The following SLC13A4 variants were observed in gnomAD, a reference collection of about 807,000 sequenced individuals.
SLC13A4 encodes Na(+)/sulfate cotransporter SUT-1.
In SLC13A4, 28 loss-of-function variants were observed where a neutral mutation model predicts 72.7. The observed-to-expected ratio is 0.39, with a 90% CI of 0.29 to 0.53. The LOEUF is 0.53. Among genes scored for constraint, SLC13A4 ranks in the 20% least tolerant of loss-of-function variants. The probability of loss-of-function intolerance (pLI) is 0.78; values close to 1 mark genes in which losing one functional copy is unlikely to be tolerated. For missense variants in SLC13A4, 653 were observed against 788.0 expected, an observed-to-expected ratio of 0.83 and a Z score of 2.05; for synonymous variants, 312 against 325.5, an observed-to-expected ratio of 0.96 and a Z score of 0.45.
intron 5 of SLC13A4, 137 bp downstream of exon 5, chr7:135,705,450 TTGGGCGGGG>T: frequency 3.9e-6 from 2 of 517,568 alleles, no homozygotes; most frequent in Non-Finnish European, 6.4e-6. Flanking sequence ...ATGGGGGAGG[TTGGGCGGGG>T]TGGGGGGGTG....
rs376855060 is a variant in SLC13A4, at chr7:135,699,539, G to C, written c.724C>G (p.Gln242Glu). The C allele has an allele frequency of 1.3e-6, 2 of 1,597,432 alleles. No individual in the cohort carries two copies. The highest frequency in any genetic ancestry group is 2.7e-5 in the African/African-American group (2 of 74,498). ...KKQHPSQEKP[Q>E]VLTPSPRKQK... ...TTCCTGGGGCTGGGGGTCAGGACTT[G>C]TGGCTTTTCCTAACGAAGGAAAATC... The change falls in exon 8 of 16, where the codon CAA becomes GAA. Residue 242 changes from glutamine to glutamate, a missense_variant. Transcript: ENST00000682651.
At chr7:135,696,128 T>C (rs1795900092) in intron 8 of SLC13A4, among the ~76,000 whole-genome samples, 1 of 152,162 alleles carries the variant, frequency 6.6e-6, no homozygotes, top group Non-Finnish European at 1.5e-5. Flanking sequence ...GGCTTTTGCC[T>C]AGACGAGGCT....
chr7:135,714,370 A>C (rs1796368797), intron 2 of SLC13A4, among the ~76,000 whole-genome samples: 1 of 152,156 alleles, frequency 6.6e-6, no homozygotes, highest in Non-Finnish European at 1.5e-5. Flanking sequence ...CAGATGGGGA[A>C]GCTGAGGCAA....
chr7:135,711,595 G>C (rs887974998), intron 2 of SLC13A4, among the ~76,000 whole-genome samples: 3 of 152,100 alleles, frequency 2.0e-5, no homozygotes, highest in African/African-American at 7.2e-5. Context: ...CAGTGTAAGG[G>C]CAGAGGCAGG....
Position 135,705,898 on chromosome 7 carries a change from C to T in SLC13A4, c.538+230G>A, listed in dbSNP as rs888377781. The T allele has an allele frequency of 8.9e-6, 5 of 559,210 alleles. No homozygotes were observed. In the Admixed American group the frequency reaches 1.2e-4, roughly 13 times the overall value. The allele number at this position is 559,210 out of a possible 1,614,324, so 34.6% of individuals were successfully genotyped here. A position where few individuals can be genotyped will look rare whatever the true frequency, so the allele number is the denominator to read the frequency against. ...CTTGAGCATTTGGGGGAAAAGAGCC[C>T]AGAAGTGAAGGAGGAAGGAAGAGCC... On this transcript the variant is annotated intron_variant, in intron 4 of 15. Coordinates refer to ENST00000682651, the MANE Select transcript of SLC13A4 (RefSeq NM_001318192.2).
intron 1 of SLC13A4, among the ~76,000 whole-genome samples, chr7:135,726,867 G>A (rs3112368): frequency 0.18 from 27,529 of 152,144 alleles, 2,765 homozygotes; most frequent in Admixed American, 0.3. Context: ...GTTGATAGGC[G>A]CCTTCGGGAT....
rs776722523 is a variant in SLC13A4 at position 135,701,762 on chromosome 7, T to C, written c.634-2A>G. The stretch of plus-strand genomic sequence containing the variant: ...GATCGAGGGCACACCATTCAGGTTC[T>C]GTTGGGACAAAGGCCATCTCACTAT... On this transcript the variant is annotated splice_acceptor_variant, in intron 6 of 15. Transcript: ENST00000682651. LOFTEE classifies it high-confidence loss of function. 1.7e-5 allele frequency: 27 copies of C among 1,613,560 alleles called. No individual in the cohort carries two copies. Among genetic ancestry groups the C allele is most frequent in the Non-Finnish European group, 2.3e-5 (27 of 1,179,742 alleles).
At chr7:135,726,142 G>A (rs1209518554) in intron 1 of SLC13A4, among the ~76,000 whole-genome samples, 6 of 151,900 alleles carry the variant, frequency 3.9e-5, no homozygotes, top group Non-Finnish European at 7.4e-5. Flanking sequence ...TATGTCTCTC[G>A]GTAACAGTCC....
chr7:135,688,111 G>A (rs1055090560), intron 13 of SLC13A4, among the ~76,000 whole-genome samples: 1 of 152,072 alleles, frequency 6.6e-6, no homozygotes, highest in Non-Finnish European at 1.5e-5. Flanking sequence ...AAGTAGCTGG[G>A]ATTACAGGCG....
chr7:135,708,039 C>T lies in SLC13A4; in HGVS notation c.365+75G>A, dbSNP rs940215259. The T allele has an allele frequency of 9.6e-6, 15 of 1,560,026 alleles. No individual in the cohort carries two copies. In the African/African-American group the frequency reaches 1.5e-4, roughly 15 times the overall value. ...GCTGAAGTGGACATCCCGCAGTGAC[C>T]TGAGACCACTGTCCTGGTGGCACAC... On this transcript the variant is annotated intron_variant, in intron 3 of 15. Transcript: ENST00000682651.
chr7:135,684,073 C>A, intron 15 of SLC13A4, 51 bp downstream of exon 15: 1 of 1,543,750 alleles, frequency 6.5e-7, no homozygotes, highest in Non-Finnish European at 8.8e-7. Flanking sequence ...GAGCTGTCAT[C>A]CCTGTCCTCA....
rs894483899 is a variant in SLC13A4 at position 135,684,160 on chromosome 7, G to A, written c.1710C>T (p.Ile570=). ...TCTGGCAGTGCCCATAGCTGAAGAC[G>A]ATGGCATTAGGGGGATTGCCCACAG... ...MLPVGNPPNA[I]VFSYGHCQIK... The change falls in exon 15 of 16, where the codon ATC becomes ATT. Residue 570 remains isoleucine, a synonymous_variant. Transcript: ENST00000682651. 7.4e-6 allele frequency: 12 copies of A among 1,612,254 alleles called. No individual in the cohort carries two copies. The highest frequency in any genetic ancestry group is 2.2e-5 in the East Asian group (1 of 44,788).
intron 2 of SLC13A4, among the ~76,000 whole-genome samples, chr7:135,719,781 A>ATGTGTGTGTGTGTGTGTGTGTGTGTG (rs968225969): frequency 1.4e-5 from 2 of 146,016 alleles, no homozygotes; most frequent in African/African-American, 5.1e-5. Flanking sequence ...TCAATGCCAC[A>ATGTGTGTGTGTGTGTGTGTGTGTGTG]TGTGTGTGTG....
At chr7:135,684,365 A>AAAG (rs1795574572) in intron 14 of SLC13A4, 104 bp from the exon 15 acceptor site, 1 of 1,377,018 alleles carries the variant, frequency 7.3e-7, no homozygotes, top group Admixed American at 2.1e-5. Flanking sequence ...GGCTAACCTT[A>AAAG]GCAGGACACT....
chr7:135,707,342 GT>G (rs1347876609), intron 3 of SLC13A4: 5 of 152,194 alleles, frequency 3.3e-5, no homozygotes, highest in Non-Finnish European at 7.3e-5. Flanking sequence ...TTAAGCTGTA[GT>G]TATCAGACCT....
Position 135,692,340 on chromosome 7 carries a change from C to T in SLC13A4, c.1206G>A (p.Trp402Ter). ...TCACTTACTTTTCAAAGAAAGAATC[C>T]CAGCCAGGGACAAAGCCAGGCTCCC... ...FTREPGFVPG[W>*]DSFFEKKGYR... Residue 402 changes from tryptophan (W) to a stop codon, truncating the protein, a stop_gained, in exon 11 of 16, where the codon TGG becomes TGA. Coordinates refer to ENST00000682651, the MANE Select transcript of SLC13A4 (RefSeq NM_001318192.2). LOFTEE classifies it high-confidence loss of function. 6.2e-7 allele frequency: 1 copy of T among 1,612,894 alleles called. No individual in the cohort carries two copies. The highest frequency in any genetic ancestry group is 1.3e-5 in the African/African-American group (1 of 74,960).
At chr7:135,696,435 G>A (rs559372412) in intron 8 of SLC13A4, among the ~76,000 whole-genome samples, 2 of 151,968 alleles carry the variant, frequency 1.3e-5, no homozygotes, top group African/African-American at 2.4e-5. Flanking sequence ...TGCAACTTCC[G>A]CCTTCTGGGT....
chr7:135,706,467 C>T (rs1307813093), intron 3 of SLC13A4, among the ~76,000 whole-genome samples, 167 bp from the exon 4 acceptor site: 3 of 152,236 alleles, frequency 2.0e-5, no homozygotes, highest in Non-Finnish European at 4.4e-5. Context: ...CAATGCTTGG[C>T]ACAGCGTAAG....
At chr7:135,685,721 G>C in intron 13 of SLC13A4, 38 bp from the exon 14 acceptor site, 1 of 1,570,192 alleles carries the variant, frequency 6.4e-7, no homozygotes, top group Non-Finnish European at 8.7e-7. Context: ...GAAAGGAGAA[G>C]AAGCACATCC....
Sources: gnomAD v4.1 joint callset for allele counts (sites outside exome capture counted in the v4.1 genomes callset) on GRCh38, gnomAD v4.1.1 for gene constraint, MANE v1.5 for transcripts, NCBI Gene and HGNC (gene_info 2026-07-23, HGNC 2026-07-21) for gene names.